LRRC4C: variants seen among roughly 807,000 people sequenced by gnomAD.
LRRC4C encodes leucine-rich repeat-containing protein 4C.
Under a neutral mutation model 33.6 loss-of-function variants are expected in LRRC4C, and 5 were observed. The ratio of observed to expected loss-of-function variants is 0.15; its 90% confidence interval spans 0.08 to 0.31. The LOEUF (loss-of-function observed/expected upper bound fraction) is 0.31. Among genes scored for constraint, LRRC4C ranks in the 10% least tolerant of loss-of-function variants. The pLI is 1.00. For missense variants in LRRC4C, 560 were observed against 796.7 expected, an observed-to-expected ratio of 0.70 and a Z score of 3.58; for synonymous variants, 329 against 302.0, an observed-to-expected ratio of 1.09 and a Z score of -0.93.
intron 5 of LRRC4C, among the ~76,000 whole-genome samples, chr11:40,217,518 T>C (rs993676570): frequency 6.6e-6 from 1 of 152,084 alleles, no homozygotes. Flanking sequence ...CATTTCTGCA[T>C]CTCCTTAATT....
At chr11:40,225,425 G>A (rs1864716620) in intron 5 of LRRC4C, among the ~76,000 whole-genome samples, 2 of 152,080 alleles carry the variant, frequency 1.3e-5, no homozygotes, top group African/African-American at 2.4e-5. Context: ...CTTTTCAAAC[G>A]GGCTTTTGCC....
At chr11:40,909,470 ACAG>A (rs1956569122) in intron 2 of LRRC4C, among the ~76,000 whole-genome samples, 1 of 152,152 alleles carries the variant, frequency 6.6e-6, no homozygotes, top group African/African-American at 2.4e-5. Flanking sequence ...CAATAAATAA[ACAG>A]CAGATCAGTA....
At chr11:40,445,400 C>G in intron 3 of LRRC4C, 1 of 153,590 alleles carries the variant, frequency 6.5e-6, no homozygotes, top group Non-Finnish European at 1.5e-5. Flanking sequence ...TCAAAGTGTT[C>G]TCCAATACTC....
intron 3 of LRRC4C, among the ~76,000 whole-genome samples, chr11:40,339,952 G>A (rs1422717933): frequency 1.3e-5 from 2 of 152,098 alleles, no homozygotes; most frequent in African/African-American, 4.8e-5. Context: ...GGCATATGTG[G>A]TTCCAAGAGA....
At chr11:41,333,586 A>C (rs1263198433) in intron 1 of LRRC4C, among the ~76,000 whole-genome samples, 5 of 152,156 alleles carry the variant, frequency 3.3e-5, no homozygotes, top group Non-Finnish European at 7.4e-5. Context: ...CCTCCCTTTA[A>C]ATATGTAGGT....
chr11:40,365,172 A>G (rs1948152023), intron 3 of LRRC4C, among the ~76,000 whole-genome samples: 2 of 151,966 alleles, frequency 1.3e-5, no homozygotes, highest in Non-Finnish European at 2.9e-5. Flanking sequence ...AGATTTTTAG[A>G]AACATTCCAT....
At chr11:40,745,701 T>G (rs1217001469) in intron 2 of LRRC4C, among the ~76,000 whole-genome samples, 3 of 152,122 alleles carry the variant, frequency 2.0e-5, no homozygotes, top group Non-Finnish European at 4.4e-5. Flanking sequence ...ATGAATATAT[T>G]TACTGTTTAT....
intron 2 of LRRC4C, among the ~76,000 whole-genome samples, chr11:40,790,632 A>C (rs920242923): frequency 6.6e-6 from 1 of 152,200 alleles, no homozygotes; most frequent in African/African-American, 2.4e-5. Context: ...AGACAACAAC[A>C]TCTCATCAGG....
chr11:40,761,349 A>T (rs549969538), intron 2 of LRRC4C, among the ~76,000 whole-genome samples: 2 of 152,258 alleles, frequency 1.3e-5, no homozygotes, highest in African/African-American at 4.8e-5. Context: ...AACTTGGCAC[A>T]CAGCCTGAAA....
At chr11:41,187,978 A>G (rs1413312448) in intron 1 of LRRC4C, among the ~76,000 whole-genome samples, 1 of 152,204 alleles carries the variant, frequency 6.6e-6, no homozygotes, top group Non-Finnish European at 1.5e-5. Flanking sequence ...TACATACATA[A>G]TAAGTGGCAG....
chr11:40,569,430 A>G (rs1377877897), intron 3 of LRRC4C, among the ~76,000 whole-genome samples: 1 of 152,176 alleles, frequency 6.6e-6, no homozygotes, highest in Non-Finnish European at 1.5e-5. Context: ...GTCAGTTACT[A>G]CAACAGATTG....
chr11:40,999,945 C>T lies in LRRC4C; in HGVS notation c.-495-66222G>A, dbSNP rs552197890. Reference sequence around the variant, plus strand: ...AAGAGGACGCTACATGCAGACACATCCAGCATGAAAATAATGTTACCTTCA... The same window carrying T: ...AAGAGGACGCTACATGCAGACACATTCAGCATGAAAATAATGTTACCTTCA... On this transcript the variant is annotated intron_variant, in intron 1 of 6. Transcript: ENST00000528697. Among the ~76,000 whole-genome samples the T allele has an allele frequency of 7.2e-5, 11 of 152,038 alleles. No homozygotes were observed. In the South Asian group the frequency reaches 2.1e-3, roughly 29 times the overall value.
At chr11:41,131,809 G>A (rs1434689959) in intron 1 of LRRC4C, among the ~76,000 whole-genome samples, 9 of 152,014 alleles carry the variant, frequency 5.9e-5, no homozygotes, top group Admixed American at 2.6e-4. Context: ...TTCATTATAC[G>A]CTAATTATAA....
intron 2 of LRRC4C, among the ~76,000 whole-genome samples, chr11:40,905,375 G>A (rs1180428041): frequency 1.3e-5 from 2 of 151,782 alleles, no homozygotes; most frequent in African/African-American, 4.8e-5. Flanking sequence ...AGATTCTCAG[G>A]GCTCACATAT....
chr11:41,025,756 GGAAAAAAGATGCCATCTA>G (rs1292547272), intron 1 of LRRC4C, among the ~76,000 whole-genome samples: 2 of 151,668 alleles, frequency 1.3e-5, no homozygotes, highest in African/African-American at 4.8e-5. Context: ...GCCTTATACT[GGAAAAAAGATGCCATCTA>G]GAACTTTCAT....
rs556800927 is a variant in LRRC4C at position 40,562,490 on chromosome 11, A to G, written c.-270+85652T>C. On this transcript the variant is annotated intron_variant, in intron 3 of 6. Coordinates refer to ENST00000528697, the MANE Select transcript of LRRC4C (RefSeq NM_001258419.2). ...ACTTTATGTTAAATCATTAAGACCTATAAAGTAGGTAATACTATCTTTGCA... is the reference window on the plus strand; with the variant it reads ...ACTTTATGTTAAATCATTAAGACCTGTAAAGTAGGTAATACTATCTTTGCA... Among the ~76,000 whole-genome samples, 7 of 151,520 alleles carry G rather than the reference A, an allele frequency of 4.6e-5. No individual in the cohort carries two copies. The East Asian group carries it at 9.9e-4, about 21-fold the overall frequency.
chr11:40,397,650 ACTG>A (rs1453514165), intron 3 of LRRC4C, among the ~76,000 whole-genome samples: 3 of 152,066 alleles, frequency 2.0e-5, no homozygotes, highest in African/African-American at 7.2e-5. Flanking sequence ...GTTGGGAGAA[ACTG>A]CTGTTTCTAC....
intron 1 of LRRC4C, among the ~76,000 whole-genome samples, chr11:41,408,577 A>T (rs1276919834): frequency 1.3e-5 from 2 of 152,116 alleles, no homozygotes; most frequent in East Asian, 3.9e-4. Flanking sequence ...CAGGATACCT[A>T]ACCCTCTTTC....
At chr11:40,709,734 T>C (rs1367157736) in intron 2 of LRRC4C, among the ~76,000 whole-genome samples, 1 of 152,180 alleles carries the variant, frequency 6.6e-6, no homozygotes, top group Non-Finnish European at 1.5e-5. Context: ...AATGTTGGCT[T>C]GCCTTGCTAG....
Sources: gnomAD v4.1 joint callset for allele counts (sites outside exome capture counted in the v4.1 genomes callset) on GRCh38, gnomAD v4.1.1 for gene constraint, MANE v1.5 for transcripts, NCBI Gene and HGNC (gene_info 2026-07-23, HGNC 2026-07-21) for gene names.